UBE2J1: variants seen among roughly 807,000 people sequenced by gnomAD.
The protein encoded by UBE2J1 is ubiquitin-conjugating enzyme E2 J1.
Under a neutral mutation model 42.1 loss-of-function variants are expected in UBE2J1, and 17 were observed. The observed-to-expected ratio is 0.40, with a 90% CI of 0.28 to 0.61. UBE2J1 has a LOEUF of 0.61. UBE2J1 is among the 20% of genes least tolerant of loss of function. The pLI, the probability that UBE2J1 is intolerant of heterozygous loss-of-function variation, is 0.38. For missense variants in UBE2J1, 291 were observed against 389.4 expected (o/e 0.75, Z 2.13); for synonymous variants, 127 against 137.2 (o/e 0.93, Z 0.52).
chr6:89,342,636 C>T (rs1768269721), intron 2 of UBE2J1, among the ~76,000 whole-genome samples, 181 bp from the exon 3 acceptor site: 1 of 152,052 alleles, frequency 6.6e-6, no homozygotes, highest in African/African-American at 2.4e-5. Context: ...TAAGTAAAAG[C>T]TATTTAATCT....
chr6:89,330,514 T>G (rs1767990288), intron 7 of UBE2J1, among the ~76,000 whole-genome samples: 1 of 152,166 alleles, frequency 6.6e-6, no homozygotes, highest in African/African-American at 2.4e-5. Flanking sequence ...TATAAAATTC[T>G]AAATTTTTTC....
rs1767966902 is a variant in UBE2J1 at position 89,329,692 on chromosome 6, T to C, written c.944A>G (p.Asp315Gly). The change falls in exon 8 of 8, where the codon GAC (aspartate) becomes GGC (glycine). Residue 315 changes from aspartate (D) to glycine (G), a missense_variant. Physicochemically the swap from Asp to Gly is moderately conservative, Grantham distance 94 (BLOSUM62 -1). Transcript: ENST00000435041. ...CACAAAACCATATTATAACTCAAAG[T>C]CAAATATGTATTCGTTTGCCAGATA... ...RIYLANEYIFDFEL is the reference protein window; with the variant it reads ...RIYLANEYIFGFEL The C allele has an allele frequency of 6.8e-6, 11 of 1,613,936 alleles. No individual in the cohort carries two copies. The highest frequency in any genetic ancestry group is 8.5e-6 in the Non-Finnish European group (10 of 1,179,960).
At chr6:89,349,415 G>T (rs1768423657) in intron 1 of UBE2J1, among the ~76,000 whole-genome samples, 1 of 152,096 alleles carries the variant, frequency 6.6e-6, no homozygotes, top group Admixed American at 6.5e-5. Context: ...TGATTGATCT[G>T]GTGACAACAG....
intron 2 of UBE2J1, 108 bp downstream of exon 2, chr6:89,343,574 CA>C: frequency 1.6e-6 from 1 of 614,286 alleles, no homozygotes. Context: ...AATAAAACGT[CA>C]AACTACATCA....
intron 6 of UBE2J1, among the ~76,000 whole-genome samples, chr6:89,334,980 A>G (rs909806054): frequency 1.3e-5 from 2 of 152,296 alleles, no homozygotes; most frequent in East Asian, 3.9e-4. Context: ...CTAATAAGCA[A>G]CAGAGCTGGG....
intron 1 of UBE2J1, among the ~76,000 whole-genome samples, chr6:89,350,133 CA>C (rs918519585): frequency 2.7e-5 from 4 of 149,802 alleles, no homozygotes; most frequent in Non-Finnish European, 4.5e-5. Flanking sequence ...AAGTCCATTC[CA>C]AAAAAAAACC....
chr6:89,352,654 G>C lies in UBE2J1; in HGVS notation c.-85C>G, dbSNP rs1768510916. On this transcript the variant is annotated 5_prime_UTR_variant, in exon 1 of 8. Coordinates refer to ENST00000435041, the MANE Select transcript of UBE2J1 (RefSeq NM_016021.3). The stretch of plus-strand genomic sequence containing the variant: ...CGCTGCCCGGGTCTCAGCGCGGCTC[G>C]GGCGGACGGGGCCTGGCCGAGGAGC... 1.4e-6 allele frequency: 2 copies of C among 1,420,792 alleles called. No homozygotes were observed. Among genetic ancestry groups the C allele is most frequent in the Non-Finnish European group, 1.9e-6 (2 of 1,077,850 alleles). 88.0% of individuals were successfully genotyped at this position (1,420,792 alleles called of 1,614,324 possible).
chr6:89,339,378 T>C (rs1371504120), intron 3 of UBE2J1, among the ~76,000 whole-genome samples: 1 of 133,836 alleles, frequency 7.5e-6, no homozygotes, highest in Non-Finnish European at 1.6e-5. Flanking sequence ...CACAGTGAAC[T>C]ATGACTGCAT....
At chr6:89,349,963 G>A (rs1768438583) in intron 1 of UBE2J1, among the ~76,000 whole-genome samples, 1 of 151,664 alleles carries the variant, frequency 6.6e-6, no homozygotes, top group Admixed American at 6.6e-5. Context: ...CACGGGTCAA[G>A]TAGCTTGATC....
intron 1 of UBE2J1, among the ~76,000 whole-genome samples, chr6:89,350,170 T>A (rs1768443749): frequency 6.6e-6 from 1 of 152,180 alleles, no homozygotes; most frequent in African/African-American, 2.4e-5. Context: ...TCCCCACCTA[T>A]GAAATGAAAA....
At chr6:89,341,349 G>A (rs1768243512) in intron 3 of UBE2J1, among the ~76,000 whole-genome samples, 1 of 152,200 alleles carries the variant, frequency 6.6e-6, no homozygotes, top group Admixed American at 6.5e-5. Flanking sequence ...TGGTTTTTGT[G>A]TTTGTTTTTG....
Position 89,338,491 on chromosome 6 carries a change from T to C in UBE2J1, c.290A>G (p.His97Arg). 6.2e-7 allele frequency: 1 copy of C among 1,604,956 alleles called. No homozygotes were observed. Among genetic ancestry groups the C allele is most frequent in the Non-Finnish European group, 8.5e-7 (1 of 1,177,674 alleles). ...GKKICLSISG[H>R]HPETWQPSWS... is the part of the protein sequence containing the mutation. ...CGAAGGCTGCCAAGTTTCAGGATGA[T>C]GGCCTGAGATGCTCAAACAGATTTT... The change falls in exon 4 of 8, where the codon CAT becomes CGT. Residue 97 changes from histidine to arginine, a missense_variant. By Grantham distance (29) the His-to-Arg change is conservative (BLOSUM62 0). Transcript: ENST00000435041.
chr6:89,333,995 T>A (rs1402068378), intron 6 of UBE2J1, among the ~76,000 whole-genome samples: 1 of 152,212 alleles, frequency 6.6e-6, no homozygotes, highest in East Asian at 1.9e-4. Flanking sequence ...TGTATGTATG[T>A]ATGTATTTAT....
chr6:89,329,412 T>C lies in UBE2J1; in HGVS notation c.*267A>G, dbSNP rs1403743339. 7 of 423,542 alleles carry C rather than the reference T, an allele frequency of 1.7e-5. No individual in the cohort carries two copies. The highest frequency in any genetic ancestry group is 8.5e-5 in the South Asian group (3 of 35,138). The allele number at this position is 423,542 out of a possible 1,614,324, so 26.2% of individuals were successfully genotyped here. A position where few individuals can be genotyped will look rare whatever the true frequency, so the allele number is the denominator to read the frequency against. ...ATTACAAATTTACATAAAAAGAAGA[T>C]GAAACATGAGAAAAAACAAGTTATT... is the stretch of plus-strand genomic sequence containing the variant. On this transcript the variant is annotated 3_prime_UTR_variant, in exon 8 of 8. Transcript: ENST00000435041.
chr6:89,329,725 C>T lies in UBE2J1; in HGVS notation c.911G>A (p.Arg304Gln), dbSNP rs147318737. 7 of 1,613,908 alleles carry T rather than the reference C, an allele frequency of 4.3e-6. No individual in the cohort carries two copies. The highest frequency in any genetic ancestry group is 2.2e-5 in the East Asian group (1 of 44,890). Residue 304 changes from arginine (R) to glutamine (Q), a missense_variant, in exon 8 of 8, where the codon CGA (arginine) becomes CAA (glutamine). Arg to Gln is a conservative substitution (Grantham distance 43, BLOSUM62 1). This residue lies in a region of UBE2J1 where 176 missense variants were observed against 196.3 expected (regional missense o/e 0.90). Coordinates refer to ENST00000435041, the MANE Select transcript of UBE2J1 (RefSeq NM_016021.3). Reference sequence around the variant, plus strand: ...GTATTCGTTTGCCAGATATATTCGTCGGAATATAAGAGCTGCCAATGCCAA... The same window carrying T: ...GTATTCGTTTGCCAGATATATTCGTTGGAATATAAGAGCTGCCAATGCCAA... ...LTLALAALIF[R>Q]RIYLANEYIF...
Position 89,338,454 on chromosome 6 carries a change from C to T in UBE2J1, c.322+5G>A. On this transcript the variant is annotated splice_donor_5th_base_variant and intron_variant, in intron 4 of 7. Coordinates refer to ENST00000435041, the MANE Select transcript of UBE2J1 (RefSeq NM_016021.3). ...GATTTATATTCACTATAAATTAACA[C>T]TTACTACTCCACGAAGGCTGCCAAG... The T allele has an allele frequency of 6.2e-7, 1 of 1,608,966 alleles. No individual in the cohort carries two copies. Among genetic ancestry groups the T allele is most frequent in the Non-Finnish European group, 8.5e-7 (1 of 1,176,838 alleles).
rs751878858 is a variant in UBE2J1 at position 89,335,191 on chromosome 6, C to T, written c.558+111G>A. ...ATATAAAAATATGAAAAAAGAAAAA[C>T]ATTGGCAAATGTCATATTGTAATAG... On this transcript the variant is annotated intron_variant, in intron 6 of 7. Coordinates refer to ENST00000435041, the MANE Select transcript of UBE2J1 (RefSeq NM_016021.3). 1,313 of 1,034,384 alleles carry T rather than the reference C, an allele frequency of 1.3e-3. 2 individuals are homozygous for T. The highest frequency in any genetic ancestry group is 1.4e-3 in the Non-Finnish European group (1,045 of 756,664). 64.1% of individuals were successfully genotyped at this position (1,034,384 alleles called of 1,614,324 possible). A position where few individuals can be genotyped will look rare whatever the true frequency, so the allele number is the denominator to read the frequency against.
chr6:89,330,043 A>G (rs1179740373), intron 7 of UBE2J1, 86 bp from the exon 8 acceptor site: 2 of 1,332,876 alleles, frequency 1.5e-6, no homozygotes, highest in Non-Finnish European at 1.1e-6. Context: ...ACACAATCTC[A>G]GAGGACAACA....
chr6:89,349,293 T>A (rs955528381), intron 1 of UBE2J1, among the ~76,000 whole-genome samples: 3 of 151,956 alleles, frequency 2.0e-5, no homozygotes. Context: ...AAGGGCAGGG[T>A]CAATCATGAG....
Sources: gnomAD v4.1 joint callset for allele counts (sites outside exome capture counted in the v4.1 genomes callset) on GRCh38, gnomAD v4.1.1 for gene constraint, gnomAD v4.1.1 regional missense constraint, MANE v1.5 for transcripts, NCBI Gene and HGNC (gene_info 2026-07-23, HGNC 2026-07-21) for gene names.